Variants in CRYBG2 observed in about 807,000 individuals in gnomAD.
CRYBG2 encodes crystallin beta-gamma domain containing 2.
CRYBG2 carries 106 observed loss-of-function variants against 153.4 expected under a neutral mutation model. That is an observed-to-expected ratio of 0.69 (90% CI 0.59 to 0.81). The LOEUF (loss-of-function observed/expected upper bound fraction) is 0.81, where lower values mean the gene tolerates loss of function less well. Ranked by LOEUF, CRYBG2 falls within the 30% of genes least tolerant of loss-of-function variation. The pLI is 0.00. For synonymous variants in CRYBG2, 851 were observed against 877.8 expected, an observed-to-expected ratio of 0.97 and a Z score of 0.54; for missense variants, 1,996 against 2,112.0, an observed-to-expected ratio of 0.95 and a Z score of 1.08.
chr1:26,339,783 T>C (rs2074108285), intron 5 of CRYBG2, among the ~76,000 whole-genome samples: 1 of 151,692 alleles, frequency 6.6e-6, no homozygotes, highest in South Asian at 2.1e-4. Flanking sequence ...TAGCCCCCCT[T>C]GGACAACACC....
chr1:26,353,270 A>T (rs1380963848), intron 1 of CRYBG2, among the ~76,000 whole-genome samples: 1 of 152,114 alleles, frequency 6.6e-6, no homozygotes, highest in Non-Finnish European at 1.5e-5. Context: ...AACAAATTGC[A>T]AATGACAGCC....
rs537723259 is a variant in CRYBG2 at position 26,344,386 on chromosome 1, C to G, written c.2272G>C (p.Val758Leu). 105 of 1,516,450 alleles carry G rather than the reference C, an allele frequency of 6.9e-5. No homozygotes were observed. The Middle Eastern group carries it at 1.5e-3, about 22-fold the overall frequency. 93.9% of individuals were successfully genotyped at this position (1,516,450 alleles called of 1,614,324 possible). Reference protein sequence around the residue: ...CTETSREEDEVALAADLEIFL... With the variant: ...CTETSREEDELALAADLEIFL... ...ATCTCCAGGTCAGCGGCCAGGGCCA[C>G]CTCATCCTCCTCCCTTGATGTCTCT... is the stretch of plus-strand genomic sequence containing the variant. The change falls in exon 2 of 20, where the codon GTG becomes CTG. Residue 758 changes from valine (V) to leucine (L), a missense_variant. By Grantham distance (32) the Val-to-Leu change is conservative. Coordinates refer to ENST00000308182, the MANE Select transcript of CRYBG2 (RefSeq NM_001039775.4).
rs923428234 is a variant in CRYBG2, at chr1:26,343,520, C to T, written c.2913+225G>A. On this transcript the variant is annotated intron_variant, in intron 2 of 19. Transcript: ENST00000308182. The surrounding 1 kb of genome is among the most constrained non-coding windows in gnomAD (Gnocchi z 4.1). ...TTCCTCAGCTCCCAGGATCTTGGAG[C>T]CCCCACACCCTTTGGAATCCACAGT... Among the ~76,000 whole-genome samples, 4 of 152,188 alleles carry T rather than the reference C, an allele frequency of 2.6e-5. No homozygotes were observed. Among genetic ancestry groups the T allele is most frequent in the African/African-American group, 7.2e-5 (3 of 41,434 alleles).
rs149208276 is a variant in CRYBG2, at chr1:26,336,368, G to C, written c.4041C>G (p.Val1347=). ...TLASLQPVLQ[V]GEHDLHFVSK... Reference sequence around the variant, plus strand: ...AGACGAAGTGCAGATCGTGCTCCCCGACCTGAAGGTAGGGACCGAATCGAG... The same window carrying C: ...AGACGAAGTGCAGATCGTGCTCCCCCACCTGAAGGTAGGGACCGAATCGAG... The change falls in exon 13 of 20, where the codon GTC becomes GTG. Residue 1347 remains valine (V), a splice_region_variant and synonymous_variant. Transcript: ENST00000308182. This position sits in a 1 kb window ranked among gnomAD's most constrained non-coding sequence, Gnocchi z 4.9. 328 of 1,613,224 alleles carry C rather than the reference G, an allele frequency of 2.0e-4. No homozygotes were observed. The highest frequency in any genetic ancestry group is 2.7e-4 in the Non-Finnish European group (319 of 1,179,634).
In CRYBG2 at chr1:26,343,799, A is replaced by G. The variant is rs569848032; in HGVS notation, c.2859T>C (p.Ser953=). 1.4e-6 allele frequency: 2 copies of G among 1,451,202 alleles called. No individual in the cohort carries two copies. The highest frequency in any genetic ancestry group is 2.5e-5 in the East Asian group (1 of 39,994). The allele number at this position is 1,451,202 out of a possible 1,614,324, so 89.9% of individuals were successfully genotyped here. A position where few individuals can be genotyped will look rare whatever the true frequency, so the allele number is the denominator to read the frequency against. ...GCTTCTCCGTTGGGGATGATCTTTC[A>G]CTGCAAAGCAGGGGCAACTGTCCTG... ...KVPGQLPLLC[S]ERSSPTEKLA... The change falls in exon 2 of 20, where the codon AGT becomes AGC. Residue 953 remains serine (S), a synonymous_variant. Transcript: ENST00000308182. The surrounding 1 kb of genome is among the most constrained non-coding windows in gnomAD (Gnocchi z 4.1).
At chr1:26,342,436 G>A (rs1213757792) in intron 5 of CRYBG2, among the ~76,000 whole-genome samples, 2 of 152,188 alleles carry the variant, frequency 1.3e-5, no homozygotes, top group African/African-American at 4.8e-5. Flanking sequence ...GTCTCACTCT[G>A]TTGCCCAGAT....
intron 17 of CRYBG2, chr1:26,326,931 G>C (rs952758139): frequency 1.8e-5 from 9 of 488,618 alleles, no homozygotes; most frequent in Non-Finnish European, 1.6e-5. Flanking sequence ...GTGGTTCCAG[G>C]TATGCTAAAT....
rs986435144 is a variant in CRYBG2, at chr1:26,344,719, C to T, written c.1939G>A (p.Ala647Thr). The T allele has an allele frequency of 3.3e-6, 5 of 1,534,312 alleles. No individual in the cohort carries two copies. The African/African-American group carries it at 6.9e-5, about 21-fold the overall frequency. Residue 647 changes from alanine to threonine, a missense_variant, in exon 2 of 20, where the codon GCT becomes ACT. By Grantham distance (58) the Ala-to-Thr change is moderately conservative. Transcript: ENST00000308182. ...PKGSSSIQKE[A>T]VQGIAGSLAP... ...AGGCTGCCTGCAATACCCTGGACAG[C>T]CTCTTTTTGGATGCTACTGCTGCCT...
At chr1:26,338,538 T>G in intron 6 of CRYBG2, 61 bp from the exon 7 acceptor site, 3 of 1,494,328 alleles carry the variant, frequency 2.0e-6, no homozygotes, top group Non-Finnish European at 2.7e-6. Flanking sequence ...CACAGATTGG[T>G]GGGCGGGAGG....
chr1:26,343,966 T>C lies in CRYBG2; in HGVS notation c.2692A>G (p.Ser898Gly). 3 of 1,537,314 alleles carry C rather than the reference T, an allele frequency of 2.0e-6. No individual in the cohort carries two copies. Among genetic ancestry groups the C allele is most frequent in the Non-Finnish European group, 2.6e-6 (3 of 1,146,726 alleles). Residue 898 changes from serine (S) to glycine (G), a missense_variant, in exon 2 of 20, where the codon AGC becomes GGC. By Grantham distance (56) the Ser-to-Gly change is moderately conservative (BLOSUM62 0). Coordinates refer to ENST00000308182, the MANE Select transcript of CRYBG2 (RefSeq NM_001039775.4). The surrounding 1 kb of genome is among the most constrained non-coding windows in gnomAD (Gnocchi z 4.1). Reference sequence around the variant, plus strand: ...CCTCCAAGACGGGAAGTGGGCCTGCTGCCTCCCTGCAGTTCCAATCCCAGC... The same window carrying C: ...CCTCCAAGACGGGAAGTGGGCCTGCCGCCTCCCTGCAGTTCCAATCCCAGC... ...SELGLELQGG[S>G]RPTSRLGGSL... is the part of the protein sequence containing the mutation.
At chr1:26,338,128 C>A in intron 7 of CRYBG2, 81 bp from the exon 8 acceptor site, 1 of 1,548,846 alleles carries the variant, frequency 6.5e-7, no homozygotes, top group Non-Finnish European at 8.8e-7. Flanking sequence ...TTTCCTGATC[C>A]TGAGAACCCC....
At chr1:26,341,291 A>C (rs1363021991) in intron 5 of CRYBG2, among the ~76,000 whole-genome samples, 4 of 151,580 alleles carry the variant, frequency 2.6e-5, no homozygotes, top group African/African-American at 9.7e-5. Context: ...CTGTGAGCCG[A>C]GATCATACCA....
Position 26,343,065 on chromosome 1 carries a change from A to G in CRYBG2, c.3056T>C (p.Ile1019Thr). 1 of 1,550,226 alleles carries G rather than the reference A, an allele frequency of 6.5e-7. No homozygotes were observed. Among genetic ancestry groups the G allele is most frequent in the Middle Eastern group, 1.7e-4 (1 of 5,988 alleles). Residue 1019 changes from isoleucine (I) to threonine (T), a missense_variant, in exon 4 of 20, where the codon ATA becomes ACA. By Grantham distance (89) the Ile-to-Thr change is moderately conservative. Coordinates refer to ENST00000308182, the MANE Select transcript of CRYBG2 (RefSeq NM_001039775.4). The surrounding 1 kb of genome is among the most constrained non-coding windows in gnomAD (Gnocchi z 4.1). The stretch of plus-strand genomic sequence containing the variant: ...CACTCACCAGCCTCGAACTACCCTT[A>G]TGGAGGCTACGGGGGCCCAGCCTGA... ...DASGWAPVAS[I>T]RVVRGCWVLY... is the part of the protein sequence containing the mutation.
At position 26,327,260 on chromosome 1, in the gene CRYBG2, G is replaced by A. The variant is rs117525484; in HGVS notation, c.4578+949C>T. ...GAAGTGGGCAGATCACAAGTCAGGC[G>A]TTCGAGACCAACCTGGCCAATTACA... On this transcript the variant is annotated intron_variant, in intron 17 of 19. Transcript: ENST00000308182. Among the ~76,000 whole-genome samples, 1,328 of 152,174 alleles carry A rather than the reference G, an allele frequency of 8.7e-3. 66 individuals are homozygous for A. The highest frequency in any genetic ancestry group is 0.07 in the Admixed American group (1,063 of 15,274).
intron 1 of CRYBG2, among the ~76,000 whole-genome samples, chr1:26,347,284 GTTTTTTTTTTTT>G (rs1198055868): frequency 4.1e-5 from 3 of 73,894 alleles, no homozygotes; most frequent in African/African-American, 1.1e-4. Context: ...CTCCCCCTGC[GTTTTTTTTTTTT>G]TTTTTTTTTT....
Position 26,345,719 on chromosome 1 carries a change from C to G in CRYBG2, c.939G>C (p.Pro313=). The G allele has an allele frequency of 6.3e-7, 1 of 1,597,426 alleles. No homozygotes were observed. The highest frequency in any genetic ancestry group is 8.5e-7 in the Non-Finnish European group (1 of 1,179,132). Residue 313 remains proline, a synonymous_variant, in exon 2 of 20, where the codon CCG becomes CCC. Coordinates refer to ENST00000308182, the MANE Select transcript of CRYBG2 (RefSeq NM_001039775.4). ...CCGGGGCTCTGCCCTGGTCTCTGTC[C>G]GGACAGGCTGCAGGGGCATCCTGAT... ...PKNQDAPAAC[P]DRDQGRAPDA...
chr1:26,326,916 C>T, intron 17 of CRYBG2: 1 of 490,164 alleles, frequency 2.0e-6, no homozygotes, highest in South Asian at 1.5e-5. Flanking sequence ...TCAGGAGGGC[C>T]TATGGTGGTT....
intron 15 of CRYBG2, among the ~76,000 whole-genome samples, chr1:26,329,635 A>G (rs1189003409): frequency 1.3e-5 from 2 of 152,030 alleles, no homozygotes; most frequent in African/African-American, 2.4e-5. Context: ...ACATGCTACC[A>G]TGCCCAGCTA....
intron 5 of CRYBG2, 113 bp downstream of exon 5, chr1:26,342,641 C>T (rs2074144484): frequency 6.7e-7 from 1 of 1,481,864 alleles, no homozygotes; most frequent in Non-Finnish European, 9.1e-7. Flanking sequence ...TCAGCCGATC[C>T]ACCTGCCTTG....
Sources: gnomAD v4.1 joint callset for allele counts (sites outside exome capture counted in the v4.1 genomes callset) on GRCh38, gnomAD v4.1.1 for gene constraint, Gnocchi (gnomAD v3.1) non-coding constraint, MANE v1.5 for transcripts, NCBI Gene and HGNC (gene_info 2026-07-23, HGNC 2026-07-21) for gene names.